Variants in REDIC1 observed in about 807,000 individuals in gnomAD.
REDIC1 encodes the protein regulator of DNA class I crossover intermediates 1, also known as HEI10 Interacting Protein 1.
chr12:39,682,279 A>G, the REDIC1 span, among the ~76,000 whole-genome samples: 21,959 of 152,116 alleles, frequency 0.14, 1,947 homozygotes, highest in Middle Eastern at 0.28. Context: ...AACAGCAATG[A>G]CATATAGTGG....
the REDIC1 span, among the ~76,000 whole-genome samples, chr12:39,812,708 G>C: frequency 2.0e-5 from 3 of 151,876 alleles, no homozygotes; most frequent in Non-Finnish European, 2.9e-5. Flanking sequence ...CTGGCCTCAA[G>C]TGATCCACCT....
the REDIC1 span, among the ~76,000 whole-genome samples, chr12:39,681,932 G>A: frequency 6.6e-6 from 1 of 151,994 alleles, no homozygotes; most frequent in African/African-American, 2.4e-5. Flanking sequence ...AATAAAATAA[G>A]AAACATCTTG....
chr12:39,684,916 G>C, the REDIC1 span: 1 of 1,611,474 alleles, frequency 6.2e-7, no homozygotes, highest in Admixed American at 1.7e-5. Context: ...ATGGGACTTT[G>C]GACTTGATGA....
At chr12:39,678,800 A>G in the REDIC1 span, among the ~76,000 whole-genome samples, 1 of 152,182 alleles carries the variant, frequency 6.6e-6, no homozygotes, top group African/African-American at 2.4e-5. Flanking sequence ...TAACACACAT[A>G]AGTCAATAAA....
the REDIC1 span, among the ~76,000 whole-genome samples, chr12:39,735,831 T>C: frequency 1.3e-5 from 2 of 152,234 alleles, no homozygotes; most frequent in African/African-American, 4.8e-5. Flanking sequence ...ATAGCAACCT[T>C]ACAGGAAACT....
chr12:39,721,182 C>A, the REDIC1 span: 1 of 1,613,498 alleles, frequency 6.2e-7, no homozygotes, highest in Admixed American at 1.7e-5. Flanking sequence ...CTCTTTGCAA[C>A]CTTGAAAGGT....
chr12:39,751,788 A>C, the REDIC1 span, among the ~76,000 whole-genome samples: 1 of 152,206 alleles, frequency 6.6e-6, no homozygotes, highest in East Asian at 1.9e-4. Flanking sequence ...CATTCTCAGC[A>C]AACTATCACA....
chr12:39,693,022 A>G, the REDIC1 span, among the ~76,000 whole-genome samples: 2 of 152,094 alleles, frequency 1.3e-5, no homozygotes, highest in African/African-American at 4.8e-5. Context: ...TCTGATTACT[A>G]ATTAGGTTAA....
the REDIC1 span, among the ~76,000 whole-genome samples, chr12:39,823,550 T>C: frequency 9.2e-5 from 14 of 152,316 alleles, no homozygotes; most frequent in Non-Finnish European, 1.9e-4. Flanking sequence ...TTCCCTGGCA[T>C]ATCAGTGAAT....
At chr12:39,791,327 CTT>C in the REDIC1 span, among the ~76,000 whole-genome samples, 1 of 87,796 alleles carries the variant, frequency 1.1e-5, no homozygotes, top group Non-Finnish European at 2.3e-5. Context: ...ACAGGGATGC[CTT>C]CTCTCACCAC....
the REDIC1 span, chr12:39,716,858 C>T: frequency 1.3e-6 from 2 of 1,499,166 alleles, no homozygotes; most frequent in African/African-American, 2.8e-5. Context: ...GCTTGTTTCA[C>T]TTATTAATAC....
the REDIC1 span, among the ~76,000 whole-genome samples, chr12:39,697,110 A>G: frequency 2.6e-5 from 4 of 152,244 alleles, no homozygotes; most frequent in South Asian, 2.1e-4. Flanking sequence ...GGATGCTAAA[A>G]GCGGCAAGAG....
the REDIC1 span, chr12:39,764,871 G>T: frequency 6.2e-6 from 10 of 1,609,238 alleles, no homozygotes; most frequent in African/African-American, 1.1e-4. Context: ...GAAAAATAAT[G>T]CAATATAAGT....
the REDIC1 span, among the ~76,000 whole-genome samples, chr12:39,629,980 A>T: frequency 6.6e-6 from 1 of 152,078 alleles, no homozygotes; most frequent in African/African-American, 2.4e-5. Context: ...CAGTCCCACC[A>T]GTTAAAAATT....
chr12:39,896,229 CAT>C, the REDIC1 span, among the ~76,000 whole-genome samples: 13 of 126,430 alleles, frequency 1.0e-4, no homozygotes, highest in South Asian at 2.4e-4. Context: ...TACATATATG[CAT>C]ATGTGTATAT....
chr12:39,746,652 G>A, the REDIC1 span, among the ~76,000 whole-genome samples: 2 of 152,230 alleles, frequency 1.3e-5, no homozygotes, highest in Non-Finnish European at 2.9e-5. Flanking sequence ...TGACCTCTGA[G>A]TAGCCTAACT....
At chr12:39,822,835 C>G in the REDIC1 span, among the ~76,000 whole-genome samples, 1 of 152,174 alleles carries the variant, frequency 6.6e-6, no homozygotes, top group East Asian at 1.9e-4. Context: ...ATGAATATCG[C>G]TACTTGGATA....
the REDIC1 span, among the ~76,000 whole-genome samples, chr12:39,796,047 T>TC: frequency 6.6e-6 from 1 of 151,950 alleles, no homozygotes; most frequent in South Asian, 2.1e-4. Context: ...AAACCTCTTC[T>TC]CCCCCCAGCC....
the REDIC1 span, among the ~76,000 whole-genome samples, chr12:39,703,255 T>A: frequency 6.6e-6 from 1 of 150,698 alleles, no homozygotes; most frequent in Non-Finnish European, 1.5e-5. Context: ...ACAAAATCAA[T>A]GTACAAAAAT....
Sources: allele counts gnomAD v4.1 joint callset (sites outside exome capture counted in the v4.1 genomes callset), GRCh38; gene constraint gnomAD v4.1.1; transcripts MANE v1.5; gene names NCBI Gene and HGNC (gene_info 2026-07-23, HGNC 2026-07-21).